Variants in CNTN4 observed in about 807,000 individuals in gnomAD.
CNTN4 encodes the protein contactin 4.
A neutral mutation model predicts 122.5 loss-of-function variants in CNTN4; 77 were observed. That is an observed-to-expected ratio of 0.63 (90% confidence interval 0.52 to 0.76). The LOEUF is 0.76. Among genes scored for constraint, CNTN4 ranks in the 30% least tolerant of loss-of-function variants. CNTN4 has a pLI of 0.00. For missense variants in CNTN4, 1,256 were observed against 1,259.1 expected, an observed-to-expected ratio of 1.00 and a Z score of 0.04; for synonymous variants, 512 against 447.0, an observed-to-expected ratio of 1.15 and a Z score of -1.83.
At chr3:2,607,575 A>G (rs957432315) in intron 4 of CNTN4, among the ~76,000 whole-genome samples, 1 of 97,390 alleles carries the variant, frequency 1.0e-5, no homozygotes, top group Admixed American at 1.1e-4. Context: ...TATTTTAGAA[A>G]TACCAAAATA....
intron 2 of CNTN4, among the ~76,000 whole-genome samples, chr3:2,289,973 T>C (rs1401277701): frequency 6.7e-6 from 1 of 149,316 alleles, no homozygotes; most frequent in African/African-American, 2.4e-5. Context: ...TCATTATTAG[T>C]ATTTAGTATT....
chr3:2,539,609 C>T (rs544532699), intron 3 of CNTN4, among the ~76,000 whole-genome samples: 4 of 152,152 alleles, frequency 2.6e-5, no homozygotes, highest in South Asian at 4.2e-4. Context: ...TGACTCTTTG[C>T]CCTTTACCAC....
At chr3:3,021,193 T>G (rs1698260506) in intron 14 of CNTN4, among the ~76,000 whole-genome samples, 1 of 152,230 alleles carries the variant, frequency 6.6e-6, no homozygotes, top group Non-Finnish European at 1.5e-5. Flanking sequence ...GAAATCACTA[T>G]GAATTTTGAT....
intron 2 of CNTN4, among the ~76,000 whole-genome samples, chr3:2,213,315 A>G (rs2038700800): frequency 6.6e-6 from 1 of 152,046 alleles, no homozygotes; most frequent in Non-Finnish European, 1.5e-5. Context: ...TTTCTGCTTT[A>G]TTTACCCCTT....
rs576862759 is a variant in CNTN4, at chr3:2,146,751, C to A, written c.-145+46112C>A. 2.0e-5 allele frequency among the ~76,000 whole-genome samples: 3 copies of A among 152,252 alleles called. No individual in the cohort carries two copies. In the South Asian group the frequency reaches 6.2e-4, roughly 32 times the overall value. On this transcript the variant is annotated intron_variant, in intron 2 of 24. Coordinates refer to ENST00000418658, the MANE Select transcript of CNTN4 (RefSeq NM_175607.3). The stretch of plus-strand genomic sequence containing the variant: ...CCTGATATGTGTCAGTTATATGTCA[C>A]CTTACCTATAAAATGGTGATTATCA...
At chr3:2,783,999 T>C (rs2091710919) in intron 6 of CNTN4, among the ~76,000 whole-genome samples, 1 of 152,238 alleles carries the variant, frequency 6.6e-6, no homozygotes, top group African/African-American at 2.4e-5. Flanking sequence ...TCTGGTCTTC[T>C]GGGTGTATAT....
At chr3:2,620,080 C>T (rs1269767901) in intron 4 of CNTN4, among the ~76,000 whole-genome samples, 2 of 152,320 alleles carry the variant, frequency 1.3e-5, no homozygotes, top group Middle Eastern at 3.4e-3. Context: ...GCCAGTCATT[C>T]ATTTGATTAT....
chr3:2,969,148 A>G (rs1055721215), intron 13 of CNTN4, among the ~76,000 whole-genome samples: 1 of 152,222 alleles, frequency 6.6e-6, no homozygotes, highest in East Asian at 1.9e-4. Flanking sequence ...GGTTTGCTGT[A>G]TGTGCTAAGG....
At chr3:2,534,259 A>G (rs1326656207) in intron 3 of CNTN4, among the ~76,000 whole-genome samples, 5 of 152,150 alleles carry the variant, frequency 3.3e-5, no homozygotes, top group Non-Finnish European at 7.3e-5. Flanking sequence ...TAAGTCTTCA[A>G]TCCATCTTGA....
chr3:2,975,233 A>G (rs552095175), intron 13 of CNTN4, among the ~76,000 whole-genome samples: 1 of 152,330 alleles, frequency 6.6e-6, no homozygotes, highest in Admixed American at 6.5e-5. Flanking sequence ...CAAAGATCTA[A>G]TGGTAAATTT....
At chr3:2,629,511 T>A (rs1307497931) in intron 4 of CNTN4, 1 of 449,810 alleles carries the variant, frequency 2.2e-6, no homozygotes, top group African/African-American at 2.0e-5. Context: ...TTTACCCTGT[T>A]CCTTCCCGTT....
At chr3:2,521,343 T>TCCCCCCCCCCCCCCCCCCCCCC (rs5846190) in intron 3 of CNTN4, among the ~76,000 whole-genome samples, 3 of 128,308 alleles carry the variant, frequency 2.3e-5, no homozygotes, top group Admixed American at 8.2e-5. Context: ...CCTCTACCCA[T>TCCCCCCCCCCCCCCCCCCCCCC]CCCCCCCACC....
intron 18 of CNTN4, among the ~76,000 whole-genome samples, chr3:3,037,834 C>T (rs1040020331): frequency 2.6e-5 from 4 of 152,198 alleles, no homozygotes; most frequent in South Asian, 2.1e-4. Context: ...TTCAGAACAT[C>T]GTGCTCATTC....
At chr3:3,001,717 C>T (rs906732647) in intron 14 of CNTN4, among the ~76,000 whole-genome samples, 1 of 152,106 alleles carries the variant, frequency 6.6e-6, no homozygotes, top group Non-Finnish European at 1.5e-5. Context: ...TGAAAAAAAG[C>T]CAGCTCTTGA....
At chr3:2,912,858 A>G (rs1219332301) in intron 12 of CNTN4, among the ~76,000 whole-genome samples, 1 of 152,250 alleles carries the variant, frequency 6.6e-6, no homozygotes, top group Non-Finnish European at 1.5e-5. Context: ...TTTAAAAATA[A>G]AGGAAACACA....
At position 2,789,084 on chromosome 3, in the gene CNTN4, T is replaced by C. The variant is rs200278323; in HGVS notation, c.359-30402T>C. On this transcript the variant is annotated intron_variant, in intron 6 of 24. Coordinates refer to ENST00000418658, the MANE Select transcript of CNTN4 (RefSeq NM_175607.3). ...ATCAGGTGGATCTTTACCATGTAGA[T>C]GCTGCATTCAGTCTTAATGAAATGA... Among the ~76,000 whole-genome samples, 23 of 152,324 alleles carry C rather than the reference T, an allele frequency of 1.5e-4. No individual in the cohort carries two copies. In the East Asian group the frequency reaches 3.5e-3, roughly 23 times the overall value.
In CNTN4 at chr3:2,454,805, G is replaced by A. The variant is rs145415662; in HGVS notation, c.-89+115572G>A. Reference sequence around the variant, plus strand: ...GTAAGTATTTCATGATTGAACGGCTGAATACCTGAATGTGTGAATATTTTT... The same window carrying A: ...GTAAGTATTTCATGATTGAACGGCTAAATACCTGAATGTGTGAATATTTTT... On this transcript the variant is annotated intron_variant, in intron 3 of 24. Coordinates refer to ENST00000418658, the MANE Select transcript of CNTN4 (RefSeq NM_175607.3). 2.2e-3 allele frequency among the ~76,000 whole-genome samples: 341 copies of A among 152,138 alleles called. 3 individuals are homozygous for A. Among genetic ancestry groups the A allele is most frequent in the African/African-American group, 8.0e-3 (333 of 41,524 alleles).
intron 2 of CNTN4, among the ~76,000 whole-genome samples, chr3:2,173,665 C>T (rs2036611287): frequency 6.6e-6 from 1 of 151,882 alleles, no homozygotes; most frequent in African/African-American, 2.4e-5. Flanking sequence ...GTTCGAAGGT[C>T]AACTCAGCTA....
At chr3:2,655,513 A>G (rs2083548118) in intron 4 of CNTN4, among the ~76,000 whole-genome samples, 1 of 152,050 alleles carries the variant, frequency 6.6e-6, no homozygotes, top group Non-Finnish European at 1.5e-5. Flanking sequence ...TCATTCATCT[A>G]GTGGTCTCTT....
Sources: allele counts gnomAD v4.1 joint callset (sites outside exome capture counted in the v4.1 genomes callset), GRCh38; gene constraint gnomAD v4.1.1; transcripts MANE v1.5; gene names NCBI Gene and HGNC (gene_info 2026-07-23, HGNC 2026-07-21).